Variants in HERC2 observed in about 807,000 individuals in gnomAD.
HERC2 encodes E3 ubiquitin-protein ligase HERC2.
Under a neutral mutation model 537.7 loss-of-function variants are expected in HERC2, and 102 were observed. The ratio of observed to expected loss-of-function variants is 0.19; its 90% CI spans 0.16 to 0.22. The LOEUF is 0.22. HERC2 is among the 10% of genes least tolerant of loss of function. The probability of loss-of-function intolerance (pLI) is 1.00; values close to 1 mark genes in which losing one functional copy is unlikely to be tolerated. For missense variants in HERC2, 4,236 were observed against 6,198.2 expected (o/e 0.68, Z 10.63); for synonymous variants, 2,224 against 2,466.2 (o/e 0.90, Z 2.91).
intron 56 of HERC2, among the ~76,000 whole-genome samples, chr15:28,185,463 T>C (rs540625258): frequency 2.0e-5 from 3 of 152,354 alleles, no homozygotes; most frequent in South Asian, 2.1e-4. Flanking sequence ...GCAATTTCAC[T>C]TTCAGCAATT....
intron 21 of HERC2, among the ~76,000 whole-genome samples, chr15:28,247,627 ACTATGTTGGTCAGG>A (rs1478161848): frequency 6.6e-6 from 1 of 151,928 alleles, no homozygotes; most frequent in Non-Finnish European, 1.5e-5. Context: ...ACGGGGTTTC[ACTATGTTGGTCAGG>A]CTGGTCTTGA....
intron 9 of HERC2, 36 bp from the exon 10 acceptor site, chr15:28,270,904 T>C (rs1248779669): frequency 1.9e-6 from 3 of 1,584,326 alleles, no homozygotes; most frequent in South Asian, 2.3e-5. Context: ...TCAGAAATGG[T>C]GGGAAAAATT....
chr15:28,151,984 C>T (rs970525530), intron 70 of HERC2, among the ~76,000 whole-genome samples: 28 of 152,150 alleles, frequency 1.8e-4, no homozygotes, highest in African/African-American at 6.0e-4. Context: ...CATTTGTAGC[C>T]CCTCATGGGC....
At chr15:28,132,588 C>G in intron 80 of HERC2, 65 bp downstream of exon 80, 1 of 1,333,528 alleles carries the variant, frequency 7.5e-7, no homozygotes. Flanking sequence ...TGGCAAACCG[C>G]CCCCATCTGA....
In HERC2 at chr15:28,177,143, A is replaced by C; in HGVS notation, c.9255-16T>G. The C allele has an allele frequency of 6.2e-7, 1 of 1,604,944 alleles. No homozygotes were observed. Among genetic ancestry groups the C allele is most frequent in the South Asian group, 1.1e-5 (1 of 90,426 alleles). On this transcript the variant is annotated splice_polypyrimidine_tract_variant and intron_variant, in intron 60 of 92. Transcript: ENST00000261609. The surrounding 1 kb of genome is among the most constrained non-coding windows in gnomAD (Gnocchi z 5.0). ...GTCACAGTTCCTACAACAAGATGAA[A>C]TCAGCTCTCTACAGTCAATCTGTCC...
intron 6 of HERC2, 125 bp from the exon 7 acceptor site, chr15:28,274,572 C>G: frequency 1.1e-6 from 1 of 951,648 alleles, no homozygotes; most frequent in Non-Finnish European, 1.5e-6. Context: ...AGGCCAAAAT[C>G]TAGCGCAGCT....
chr15:28,115,394 C>A (rs754667098), intron 89 of HERC2, 35 bp downstream of exon 89: 13 of 1,456,158 alleles, frequency 8.9e-6, no homozygotes, highest in Admixed American at 7.0e-5. Flanking sequence ...GTTAACAAGA[C>A]CCTAGAGGCC....
intron 2 of HERC2, among the ~76,000 whole-genome samples, chr15:28,309,361 ATATATT>A (rs1275813267): frequency 6.6e-6 from 1 of 152,168 alleles, no homozygotes; most frequent in African/African-American, 2.4e-5. Context: ...GCATATATAC[ATATATT>A]TATAATAGTT....
intron 14 of HERC2, among the ~76,000 whole-genome samples, chr15:28,264,318 T>C (rs2075500993): frequency 6.6e-6 from 1 of 152,156 alleles, no homozygotes; most frequent in African/African-American, 2.4e-5. Flanking sequence ...CAACTCTACC[T>C]GCAAAAACAG....
chr15:28,214,305 C>T lies in HERC2; in HGVS notation c.6359-33G>A, dbSNP rs377229245. On this transcript the variant is annotated intron_variant, in intron 40 of 92. Transcript: ENST00000261609. ...GGAAACCAGGGGAGAAGCTGCTGCA[C>T]CGCTCTTCACCAGGGCACAGGGAAA... The T allele has an allele frequency of 1.3e-5, 20 of 1,560,604 alleles. No individual in the cohort carries two copies. In the African/African-American group the frequency reaches 1.8e-4, roughly 14 times the overall value.
At position 28,176,851 on chromosome 15, in the gene HERC2, G is replaced by A. The variant is rs1338437542; in HGVS notation, c.9433-83C>T. The stretch of plus-strand genomic sequence containing the variant: ...TTTTCCCACAGATAAAGCCAACCAT[G>A]CACACATCTTTATGAACTTTCCTAG... On this transcript the variant is annotated intron_variant, in intron 61 of 92. Transcript: ENST00000261609. The surrounding 1 kb of genome is among the most constrained non-coding windows in gnomAD (Gnocchi z 5.0). 2 of 1,570,350 alleles carry A rather than the reference G, an allele frequency of 1.3e-6. No individual in the cohort carries two copies. Among genetic ancestry groups the A allele is most frequent in the South Asian group, 2.2e-5 (2 of 89,576 alleles).
intron 79 of HERC2, 129 bp downstream of exon 79, chr15:28,135,349 T>G: frequency 4.1e-6 from 3 of 727,872 alleles, no homozygotes; most frequent in Middle Eastern, 3.5e-4. Context: ...AATGAGTCAT[T>G]AACATTATTT....
At chr15:28,149,180 A>T (rs1444939229) in intron 70 of HERC2, among the ~76,000 whole-genome samples, 1 of 152,160 alleles carries the variant, frequency 6.6e-6, no homozygotes, top group African/African-American at 2.4e-5. Context: ...GAATGGCCAC[A>T]CGAACGCACA....
At chr15:28,279,651 A>ACACACACAC (rs2075971136) in intron 5 of HERC2, among the ~76,000 whole-genome samples, 10 of 150,946 alleles carry the variant, frequency 6.6e-5, no homozygotes, top group South Asian at 2.1e-4. Context: ...ACACACACAC[A>ACACACACAC]AATTGTTTTT....
At chr15:28,117,286 T>C in intron 86 of HERC2, 132 bp from the exon 87 acceptor site, 1 of 921,612 alleles carries the variant, frequency 1.1e-6, no homozygotes, top group Non-Finnish European at 1.7e-6. Context: ...ACACACCTGC[T>C]TGTGTGGACG....
chr15:28,246,168 A>C, intron 22 of HERC2, 102 bp from the exon 23 acceptor site: 1 of 718,996 alleles, frequency 1.4e-6, no homozygotes, highest in South Asian at 2.1e-5. Flanking sequence ...AAAATAAGAA[A>C]TGTTTGTCCT....
intron 68 of HERC2, among the ~76,000 whole-genome samples, 161 bp downstream of exon 68, chr15:28,167,526 T>C (rs1894265849): frequency 6.6e-6 from 1 of 152,214 alleles, no homozygotes; most frequent in African/African-American, 2.4e-5. Context: ...AGGGACCGTG[T>C]CCTGCGGCAT....
At chr15:28,287,864 C>T (rs999017212) in intron 4 of HERC2, among the ~76,000 whole-genome samples, 4 of 151,908 alleles carry the variant, frequency 2.6e-5, no homozygotes, top group Non-Finnish European at 5.9e-5. Flanking sequence ...GCTGGGACTA[C>T]AGGTGCCCAC....
intron 72 of HERC2, 44 bp from the exon 73 acceptor site, chr15:28,144,279 G>A (rs749255782): frequency 6.3e-7 from 1 of 1,598,114 alleles, no homozygotes; most frequent in East Asian, 2.2e-5. Context: ...CACAAGCTAG[G>A]TACCACCCCA....
Sources: allele counts gnomAD v4.1 joint callset (sites outside exome capture counted in the v4.1 genomes callset), GRCh38; gene constraint gnomAD v4.1.1; non-coding constraint Gnocchi (gnomAD v3.1); transcripts MANE v1.5; gene names NCBI Gene and HGNC (gene_info 2026-07-23, HGNC 2026-07-21).